The following CSMD1 variants were observed in gnomAD, a reference collection of about 807,000 sequenced individuals.
CSMD1 encodes CUB and sushi domain-containing protein 1.
Under a neutral mutation model 417.5 loss-of-function variants are expected in CSMD1, and 213 were observed. That is an observed-to-expected ratio of 0.51 (90% CI 0.46 to 0.57). The LOEUF (loss-of-function observed/expected upper bound fraction) is 0.57, where lower values mean the gene tolerates loss of function less well. Ranked by LOEUF, CSMD1 falls within the 20% of genes least tolerant of loss-of-function variation. CSMD1 has a pLI of 0.00. For synonymous variants in CSMD1, 2,862 were observed against 1,736.8 expected, an observed-to-expected ratio of 1.65 and a Z score of -16.11; for missense variants, 6,923 against 4,529.7, an observed-to-expected ratio of 1.53 and a Z score of -15.17.
chr8:3,171,961 C>G (rs1350217858), intron 37 of CSMD1, among the ~76,000 whole-genome samples: 1 of 152,136 alleles, frequency 6.6e-6, no homozygotes, highest in Non-Finnish European at 1.5e-5. Flanking sequence ...CTGTAGCATG[C>G]TTCTGTTTCC....
At chr8:4,540,409 C>T (rs1431238776) in intron 2 of CSMD1, among the ~76,000 whole-genome samples, 1 of 152,074 alleles carries the variant, frequency 6.6e-6, no homozygotes, top group African/African-American at 2.4e-5. Flanking sequence ...CCGCGAAAAT[C>T]TCAAAACCTC....
In CSMD1 at chr8:3,406,158, C is replaced by G. The variant is rs1184355961; in HGVS notation, c.2135G>C (p.Arg712Thr). The G allele has an allele frequency of 1.1e-5, 18 of 1,613,616 alleles. No individual in the cohort carries two copies. The highest frequency in any genetic ancestry group is 5.0e-5 in the Admixed American group (3 of 59,964). ...IPINGRRFGD[R>T]FLLGSSVSFH... Reference sequence around the variant, plus strand: ...AGAAACCGAGCTCCCGAGTAGAAACCTGTCACCAAAACGTCGTCCGTTTAT... The same window carrying G: ...AGAAACCGAGCTCCCGAGTAGAAACGTGTCACCAAAACGTCGTCCGTTTAT... Residue 712 changes from arginine to threonine, a missense_variant, in exon 15 of 70, where the codon AGG becomes ACG. Arg to Thr is a moderately conservative substitution (Grantham distance 71, BLOSUM62 -1). Transcript: ENST00000635120.
At chr8:4,061,978 C>A (rs1320899879) in intron 3 of CSMD1, among the ~76,000 whole-genome samples, 1 of 152,092 alleles carries the variant, frequency 6.6e-6, no homozygotes, top group Admixed American at 6.5e-5. Flanking sequence ...GGATGCCAAA[C>A]CCCCTGCTGC....
intron 5 of CSMD1, among the ~76,000 whole-genome samples, chr8:3,840,251 G>C (rs964535795): frequency 6.6e-6 from 1 of 152,066 alleles, no homozygotes; most frequent in African/African-American, 2.4e-5. Flanking sequence ...GCATAAATTA[G>C]CCAAATGGTG....
intron 3 of CSMD1, among the ~76,000 whole-genome samples, chr8:4,054,478 T>A (rs746414605): frequency 8.5e-5 from 13 of 152,272 alleles, no homozygotes; most frequent in Non-Finnish European, 1.5e-4. Context: ...AACGACTGCA[T>A]TTTGGAAGCT....
intron 1 of CSMD1, among the ~76,000 whole-genome samples, chr8:4,669,876 G>C (rs2617019): frequency 6.6e-6 from 1 of 151,856 alleles, no homozygotes; most frequent in Non-Finnish European, 1.5e-5. Context: ...AGGTTTCTGG[G>C]CTTCTAGAAC....
intron 4 of CSMD1, among the ~76,000 whole-genome samples, chr8:4,005,351 A>G (rs2130392148): frequency 6.6e-6 from 1 of 152,320 alleles, no homozygotes; most frequent in East Asian, 1.9e-4. Flanking sequence ...AGAAAACGTA[A>G]TGCAGGGGCG....
At chr8:4,241,863 AAAAG>A (rs1291970121) in intron 3 of CSMD1, among the ~76,000 whole-genome samples, 2 of 152,146 alleles carry the variant, frequency 1.3e-5, no homozygotes, top group Non-Finnish European at 2.9e-5. Flanking sequence ...TAAGTGCAAA[AAAAG>A]AGAGAAAGAT....
At chr8:4,250,891 A>C (rs1803023623) in intron 3 of CSMD1, among the ~76,000 whole-genome samples, 1 of 152,192 alleles carries the variant, frequency 6.6e-6, no homozygotes, top group South Asian at 2.1e-4. Flanking sequence ...TGATGAAAAG[A>C]GCACCTCTTA....
At position 4,637,578 on chromosome 8, in the gene CSMD1, C is replaced by T; in HGVS notation, c.86-20G>A. ...TCTGACCTGGAAGAGAAAACACACA[C>T]AAAAAAGCATATTATTCTGGCCATC... On this transcript the variant is annotated intron_variant, in intron 1 of 69. Coordinates refer to ENST00000635120, the MANE Select transcript of CSMD1 (RefSeq NM_033225.6). 6 of 1,476,636 alleles carry T rather than the reference C, an allele frequency of 4.1e-6. No individual in the cohort carries two copies. The highest frequency in any genetic ancestry group is 5.5e-6 in the Non-Finnish European group (6 of 1,083,990). The allele number at this position is 1,476,636 out of a possible 1,614,324, so 91.5% of individuals were successfully genotyped here.
intron 37 of CSMD1, among the ~76,000 whole-genome samples, chr8:3,168,716 G>C (rs1179560725): frequency 1.3e-5 from 2 of 151,892 alleles, no homozygotes; most frequent in East Asian, 3.9e-4. Flanking sequence ...AAAAGAAACT[G>C]TTTTATTTAT....
chr8:4,087,350 G>C (rs1249442086), intron 3 of CSMD1, among the ~76,000 whole-genome samples: 1 of 152,206 alleles, frequency 6.6e-6, no homozygotes, highest in Non-Finnish European at 1.5e-5. Context: ...CCACTTGCAA[G>C]TCTGAATTTG....
chr8:4,152,341 G>C (rs1393926270), intron 3 of CSMD1, among the ~76,000 whole-genome samples: 2 of 152,048 alleles, frequency 1.3e-5, no homozygotes, highest in African/African-American at 4.8e-5. Context: ...ACAGAAATCA[G>C]GTAGACACGT....
intron 1 of CSMD1, among the ~76,000 whole-genome samples, chr8:4,948,667 A>C (rs1188783467): frequency 6.6e-6 from 1 of 152,090 alleles, no homozygotes; most frequent in African/African-American, 2.4e-5. Flanking sequence ...CTAGGTTGCT[A>C]AACTCATATT....
chr8:2,957,572 A>T, intron 63 of CSMD1, 124 bp downstream of exon 63: 1 of 674,976 alleles, frequency 1.5e-6, no homozygotes. Flanking sequence ...CTTTGAGGAC[A>T]TCCGAAAATT....
chr8:4,164,727 G>A (rs1251754640), intron 3 of CSMD1, among the ~76,000 whole-genome samples: 1 of 151,934 alleles, frequency 6.6e-6, no homozygotes, highest in African/African-American at 2.4e-5. Context: ...AGTACTAAAA[G>A]TATTTAAAAA....
intron 34 of CSMD1, 33 bp from the exon 35 acceptor site, chr8:3,189,044 G>A: frequency 1.3e-6 from 2 of 1,597,536 alleles, no homozygotes; most frequent in Non-Finnish European, 1.7e-6. Context: ...ATGAAATAAA[G>A]TGCTGTGGGA....
At chr8:3,264,316 T>A (rs540256731) in intron 26 of CSMD1, among the ~76,000 whole-genome samples, 2 of 152,202 alleles carry the variant, frequency 1.3e-5, no homozygotes, top group Non-Finnish European at 2.9e-5. Context: ...GGCGTAGTAA[T>A]GTGAAGATCT....
At chr8:4,080,558 A>G (rs978182157) in intron 3 of CSMD1, among the ~76,000 whole-genome samples, 1 of 152,232 alleles carries the variant, frequency 6.6e-6, no homozygotes, top group African/African-American at 2.4e-5. Flanking sequence ...TCTCCAGAAG[A>G]TAAAACTGTA....
Sources: gnomAD v4.1 joint callset for allele counts (sites outside exome capture counted in the v4.1 genomes callset) on GRCh38, gnomAD v4.1.1 for gene constraint, MANE v1.5 for transcripts, NCBI Gene and HGNC (gene_info 2026-07-23, HGNC 2026-07-21) for gene names.